Variants in ARCN1 observed in about 807,000 individuals in gnomAD.
ARCN1 encodes coatomer subunit delta.
A neutral mutation model predicts 60.4 loss-of-function variants in ARCN1; 5 were observed. That is an observed-to-expected ratio of 0.08 (90% confidence interval 0.04 to 0.17). ARCN1 has a LOEUF of 0.17. Ranked by LOEUF, ARCN1 falls within the 10% of genes least tolerant of loss-of-function variation. The pLI, the probability that ARCN1 is intolerant of heterozygous loss-of-function variation, is 1.00. For synonymous variants in ARCN1, 224 were observed against 220.0 expected, an observed-to-expected ratio of 1.02 and a Z score of -0.16; for missense variants, 464 against 626.5, an observed-to-expected ratio of 0.74 and a Z score of 2.77.
chr11:118,590,569 C>A, intron 6 of ARCN1, 63 bp downstream of exon 6: 1 of 1,529,504 alleles, frequency 6.5e-7, no homozygotes, highest in Non-Finnish European at 8.9e-7. Flanking sequence ...TCTTTCTCAA[C>A]TAGAGTTCCC....
intron 7 of ARCN1, 106 bp downstream of exon 7, chr11:118,592,962 C>A: frequency 8.4e-7 from 1 of 1,187,750 alleles, no homozygotes; most frequent in Non-Finnish European, 1.2e-6. Flanking sequence ...TTCTTTCTGA[C>A]AAAATGACTT....
rs1249382206 is a variant in ARCN1 at position 118,599,430 on chromosome 11, A to ATTG, written c.1447-1183_1447-1181dup. ...TTAACTCATCATTCTTCCAGTTTTTATTGTTGTTGTTGTTTTGAGACGGAG... is the reference window on the plus strand; with the variant it reads ...TTAACTCATCATTCTTCCAGTTTTTATTGTTGTTGTTGTTGTTTTGAGACGGAG... On this transcript the variant is annotated intron_variant, in intron 9 of 9. Coordinates refer to ENST00000264028, the MANE Select transcript of ARCN1 (RefSeq NM_001655.5). 8.0e-5 allele frequency among the ~76,000 whole-genome samples: 12 copies of ATTG among 149,386 alleles called. No homozygotes were observed. The East Asian group carries it at 1.8e-3, about 23-fold the overall frequency.
At chr11:118,574,533 C>G (rs569332578) in intron 1 of ARCN1, among the ~76,000 whole-genome samples, 24 of 151,620 alleles carry the variant, frequency 1.6e-4, no homozygotes, top group Non-Finnish European at 2.2e-4. Context: ...ATCATCCATC[C>G]ATCCCTCTCT....
In ARCN1 at chr11:118,601,726, T is replaced by G. The variant is rs2135561173; in HGVS notation, c.*1012T>G. ...CCTTTCAGGGCCTGTCCTTCCAGTT[T>G]AGAACAGTACCATGAATCCCACTTG... On this transcript the variant is annotated 3_prime_UTR_variant, in exon 10 of 10. Transcript: ENST00000264028. 1 of 703,024 alleles carries G rather than the reference T, an allele frequency of 1.4e-6. No homozygotes were observed. The allele number at this position is 703,024 out of a possible 1,614,324, so 43.5% of individuals were successfully genotyped here.
At chr11:118,594,026 A>G (rs1413400777) in intron 8 of ARCN1, 1 of 196,544 alleles carries the variant, frequency 5.1e-6, no homozygotes, top group Admixed American at 5.3e-5. Flanking sequence ...AATTGGAACC[A>G]TACAGAGAAG....
intron 1 of ARCN1, among the ~76,000 whole-genome samples, chr11:118,580,288 C>T (rs1360581039): frequency 5.3e-5 from 8 of 152,118 alleles, no homozygotes; most frequent in African/African-American, 1.9e-4. Flanking sequence ...TGCACCATTA[C>T]AGTCCAGCTT....
chr11:118,581,095 G>A, intron 1 of ARCN1, 151 bp from the exon 2 acceptor site: 1 of 989,364 alleles, frequency 1.0e-6, no homozygotes, highest in Non-Finnish European at 1.5e-6. Flanking sequence ...ACTCCGGCAT[G>A]GGTGACAGAG....
At chr11:118,591,016 G>T (rs1335066237) in intron 6 of ARCN1, among the ~76,000 whole-genome samples, 1 of 152,198 alleles carries the variant, frequency 6.6e-6, no homozygotes, top group African/African-American at 2.4e-5. Flanking sequence ...TAAAAAATTA[G>T]CCAGGCGTGG....
chr11:118,585,083 C>T (rs1938748658), intron 5 of ARCN1, among the ~76,000 whole-genome samples: 1 of 152,140 alleles, frequency 6.6e-6, no homozygotes, highest in Admixed American at 6.5e-5. Flanking sequence ...GACTCAGCCT[C>T]CCGAAGTGCT....
At chr11:118,593,194 G>T (rs571999244) in intron 7 of ARCN1, among the ~76,000 whole-genome samples, 1 of 151,544 alleles carries the variant, frequency 6.6e-6, no homozygotes, top group Non-Finnish European at 1.5e-5. Context: ...CTCTTTAGTA[G>T]CTGGGACTAG....
rs1939154357 is a variant in ARCN1 at position 118,601,788 on chromosome 11, A to G, written c.*1074A>G. 1.4e-6 allele frequency: 1 copy of G among 700,462 alleles called. No homozygotes were observed. Among genetic ancestry groups the G allele is most frequent in the Admixed American group, 2.0e-5 (1 of 49,816 alleles). 43.4% of individuals were successfully genotyped at this position (700,462 alleles called of 1,614,324 possible). A position where few individuals can be genotyped will look rare whatever the true frequency, so the allele number is the denominator to read the frequency against. On this transcript the variant is annotated 3_prime_UTR_variant, in exon 10 of 10. Coordinates refer to ENST00000264028, the MANE Select transcript of ARCN1 (RefSeq NM_001655.5). ...AAGATAGCTGAGAAGCACCTTTCAA[A>G]TGGCACAGTCCCTCTTCAAGATGTC... is the stretch of plus-strand genomic sequence containing the variant.
chr11:118,592,628 A>G (rs1227023636), intron 6 of ARCN1, 81 bp from the exon 7 acceptor site: 2 of 1,102,998 alleles, frequency 1.8e-6, no homozygotes, highest in Non-Finnish European at 2.6e-6. Flanking sequence ...GGATGTTTAG[A>G]TTGTGGGCCA....
At chr11:118,584,456 T>C (rs1555075164) in intron 4 of ARCN1, 24 bp from the exon 5 acceptor site, 2 of 1,591,400 alleles carry the variant, frequency 1.3e-6, no homozygotes, top group Non-Finnish European at 8.5e-7. Flanking sequence ...CTTTGGGTAA[T>C]GAATTTCAAA....
chr11:118,591,912 A>AT (rs1565364486), intron 6 of ARCN1, among the ~76,000 whole-genome samples: 2 of 150,156 alleles, frequency 1.3e-5, no homozygotes, highest in African/African-American at 4.9e-5. Context: ...TTATTTATTT[A>AT]TTTATTTATT....
At chr11:118,590,848 A>G (rs1555076226) in intron 6 of ARCN1, among the ~76,000 whole-genome samples, 2 of 152,242 alleles carry the variant, frequency 1.3e-5, no homozygotes, top group African/African-American at 4.8e-5. Flanking sequence ...CTTGAAATAC[A>G]GTTTTAAAAA....
intron 9 of ARCN1, 102 bp downstream of exon 9, chr11:118,598,013 A>C: frequency 8.6e-7 from 1 of 1,165,532 alleles, no homozygotes; most frequent in African/African-American, 1.5e-5. Context: ...GGTCAGATAA[A>C]GCTCAGAAAA....
intron 1 of ARCN1, among the ~76,000 whole-genome samples, chr11:118,577,535 G>A (rs1409683681): frequency 3.9e-5 from 6 of 152,068 alleles, no homozygotes; most frequent in Non-Finnish European, 5.9e-5. Context: ...ATGAGCCACC[G>A]CTCCCGGCCT....
intron 8 of ARCN1, among the ~76,000 whole-genome samples, chr11:118,596,546 T>C (rs1263276784): frequency 1.3e-5 from 2 of 152,226 alleles, no homozygotes; most frequent in Admixed American, 1.3e-4. Context: ...ACCAGGACCC[T>C]GAAATTGATA....
intron 1 of ARCN1, among the ~76,000 whole-genome samples, chr11:118,577,903 T>C (rs1257917632): frequency 6.6e-6 from 1 of 152,106 alleles, no homozygotes; most frequent in African/African-American, 2.4e-5. Context: ...ACTCCTGTAA[T>C]CCCAACACTT....
Sources: allele counts gnomAD v4.1 joint callset (sites outside exome capture counted in the v4.1 genomes callset), GRCh38; gene constraint gnomAD v4.1.1; transcripts MANE v1.5; gene names NCBI Gene and HGNC (gene_info 2026-07-23, HGNC 2026-07-21).